The following ALDH18A1 variants were observed in gnomAD, a reference collection of about 807,000 sequenced individuals.
ALDH18A1 encodes delta-1-pyrroline-5-carboxylate synthase.
ALDH18A1 carries 44 observed loss-of-function variants against 88.8 expected under a neutral mutation model. The ratio of observed to expected loss-of-function variants is 0.50; its 90% CI spans 0.39 to 0.64. ALDH18A1 has a LOEUF of 0.64. Ranked by LOEUF, ALDH18A1 falls within the 30% of genes least tolerant of loss-of-function variation. The pLI is 0.00. For missense variants in ALDH18A1, 782 were observed against 1,009.5 expected, an observed-to-expected ratio of 0.77 and a Z score of 3.05; for synonymous variants, 331 against 372.1, an observed-to-expected ratio of 0.89 and a Z score of 1.27.
Position 95,627,600 on chromosome 10 carries a change from T to TTAGATCCAGTA in ALDH18A1, c.934-25_934-15dup. 6.2e-7 allele frequency: 1 copy of TTAGATCCAGTA among 1,613,908 alleles called. No individual in the cohort carries two copies. Among genetic ancestry groups the TTAGATCCAGTA allele is most frequent in the East Asian group, 2.2e-5 (1 of 44,888 alleles). On this transcript the variant is annotated splice_polypyrimidine_tract_variant and intron_variant, in intron 8 of 17. Coordinates refer to ENST00000371224, the MANE Select transcript of ALDH18A1 (RefSeq NM_002860.4). ...GGCTGCTTTCACCTAATGAGACAGG[T>TTAGATCCAGTA]TAGATCCAGTAAAGATGAGATTCAG...
chr10:95,653,268 A>T lies in ALDH18A1; in HGVS notation c.88+22T>A, dbSNP rs765882475. Reference sequence around the variant, plus strand: ...TGACTATCAAACGTCCCACATACTCATAAGTTTTCTATGGTACATACGAGA... The same window carrying T: ...TGACTATCAAACGTCCCACATACTCTTAAGTTTTCTATGGTACATACGAGA... On this transcript the variant is annotated intron_variant, in intron 2 of 17. Transcript: ENST00000371224. The T allele has an allele frequency of 3.2e-6, 5 of 1,584,366 alleles. No homozygotes were observed. In the South Asian group the frequency reaches 4.4e-5, roughly 14 times the overall value.
At chr10:95,630,871 T>C (rs1440317587) in intron 7 of ALDH18A1, among the ~76,000 whole-genome samples, 2 of 152,318 alleles carry the variant, frequency 1.3e-5, no homozygotes, top group South Asian at 2.1e-4. Flanking sequence ...GGTAAAGATA[T>C]TGACATGTAG....
chr10:95,629,499 G>A (rs868633141), intron 7 of ALDH18A1, among the ~76,000 whole-genome samples: 46 of 152,134 alleles, frequency 3.0e-4, no homozygotes, highest in African/African-American at 1.1e-3. Context: ...ATTATTACAG[G>A]AAAAGAAAAA....
chr10:95,630,491 T>A (rs564794910), intron 7 of ALDH18A1, among the ~76,000 whole-genome samples: 1 of 152,296 alleles, frequency 6.6e-6, no homozygotes, highest in East Asian at 1.9e-4. Flanking sequence ...GGCAGGAGGA[T>A]CACGAGGTGA....
intron 11 of ALDH18A1, among the ~76,000 whole-genome samples, chr10:95,622,123 AC>A (rs2097853669): frequency 6.6e-6 from 1 of 152,234 alleles, no homozygotes; most frequent in South Asian, 2.1e-4. Context: ...ATCAGAACCA[AC>A]AAAGATGTTT....
intron 7 of ALDH18A1, 141 bp downstream of exon 7, chr10:95,632,818 A>G (rs2097872894): frequency 1.3e-6 from 1 of 745,486 alleles, no homozygotes; most frequent in African/African-American, 1.8e-5. Flanking sequence ...TGAGTCATAA[A>G]AGCCCTTTGT....
rs1209124903 is a variant in ALDH18A1, at chr10:95,627,751, A to T, written c.934-165T>A. Among the ~76,000 whole-genome samples the T allele has an allele frequency of 5.3e-5, 8 of 152,248 alleles. No individual in the cohort carries two copies. In the East Asian group the frequency reaches 1.3e-3, roughly 26 times the overall value. ...TCTGAAAACACATAACAGTTCACACACTTTCCAGCTCAACCTTGGCCTGTG... is the reference window on the plus strand; with the variant it reads ...TCTGAAAACACATAACAGTTCACACTCTTTCCAGCTCAACCTTGGCCTGTG... On this transcript the variant is annotated intron_variant, in intron 8 of 17. Transcript: ENST00000371224.
intron 12 of ALDH18A1, among the ~76,000 whole-genome samples, chr10:95,618,353 G>A (rs529354363): frequency 3.3e-5 from 5 of 152,002 alleles, no homozygotes; most frequent in Non-Finnish European, 5.9e-5. Context: ...ATGGTATCTC[G>A]CCCTGTTGCA....
intron 2 of ALDH18A1, among the ~76,000 whole-genome samples, chr10:95,648,380 G>A (rs1023798754): frequency 6.6e-6 from 1 of 151,770 alleles, no homozygotes; most frequent in African/African-American, 2.4e-5. Flanking sequence ...GAATTCTCAT[G>A]AATTAAGCCT....
At chr10:95,650,135 AC>A (rs1334810044) in intron 2 of ALDH18A1, among the ~76,000 whole-genome samples, 3 of 152,204 alleles carry the variant, frequency 2.0e-5, no homozygotes, top group East Asian at 1.9e-4. Flanking sequence ...CGGGAAAAAA[AC>A]ATACGAGAAA....
chr10:95,618,226 C>G (rs1212207534), intron 12 of ALDH18A1, among the ~76,000 whole-genome samples: 1 of 152,198 alleles, frequency 6.6e-6, no homozygotes, highest in Non-Finnish European at 1.5e-5. Flanking sequence ...TCTCTAATGA[C>G]ACCTTGTATT....
intron 17 of ALDH18A1, among the ~76,000 whole-genome samples, chr10:95,609,535 T>C (rs887329550): frequency 1.3e-5 from 2 of 152,240 alleles, no homozygotes; most frequent in East Asian, 1.9e-4. Context: ...GCCCACGCTG[T>C]AGCGGGAGAA....
chr10:95,653,437 T>A, intron 1 of ALDH18A1, 32 bp from the exon 2 acceptor site: 1 of 1,526,376 alleles, frequency 6.6e-7, no homozygotes, highest in Non-Finnish European at 9.1e-7. Context: ...AAGTGAGTAA[T>A]GAAAAATACT....
At chr10:95,625,012 C>T (rs1004480690) in intron 11 of ALDH18A1, among the ~76,000 whole-genome samples, 2 of 152,174 alleles carry the variant, frequency 1.3e-5, no homozygotes, top group Non-Finnish European at 2.9e-5. Flanking sequence ...ACTGCATAGC[C>T]ATTAGCACAG....
chr10:95,610,396 C>T lies in ALDH18A1; in HGVS notation c.2111-104G>A. On this transcript the variant is annotated intron_variant, in intron 16 of 17. Coordinates refer to ENST00000371224, the MANE Select transcript of ALDH18A1 (RefSeq NM_002860.4). Reference sequence around the variant, plus strand: ...GATCAGGGCAGGGTCTGGGTCCCCACTGGGGCCTCTCCATGTGTTCTCACG... The same window carrying T: ...GATCAGGGCAGGGTCTGGGTCCCCATTGGGGCCTCTCCATGTGTTCTCACG... 2.9e-6 allele frequency: 3 copies of T among 1,017,950 alleles called. No homozygotes were observed. In the South Asian group the frequency reaches 4.0e-5, roughly 14 times the overall value. The allele number at this position is 1,017,950 out of a possible 1,614,324, so 63.1% of individuals were successfully genotyped here.
intron 3 of ALDH18A1, among the ~76,000 whole-genome samples, chr10:95,638,917 T>G (rs1410892094): frequency 6.6e-6 from 1 of 151,874 alleles, no homozygotes; most frequent in Non-Finnish European, 1.5e-5. Flanking sequence ...TTGTCACCCA[T>G]GCTGGAGGAC....
chr10:95,654,432 G>C (rs1213057564), intron 1 of ALDH18A1, among the ~76,000 whole-genome samples: 1 of 151,986 alleles, frequency 6.6e-6, no homozygotes, highest in Non-Finnish European at 1.5e-5. Context: ...CAATATTGTA[G>C]CTCTTTTTAT....
chr10:95,648,902 C>T (rs1380277376), intron 2 of ALDH18A1, among the ~76,000 whole-genome samples: 8 of 152,146 alleles, frequency 5.3e-5, no homozygotes, highest in African/African-American at 1.4e-4. Flanking sequence ...TTTTAAGCTA[C>T]GAAGTTACTT....
chr10:95,625,308 C>A (rs2097858729), intron 11 of ALDH18A1, 54 bp downstream of exon 11: 1 of 1,499,802 alleles, frequency 6.7e-7, no homozygotes, highest in Admixed American at 1.7e-5. Context: ...AAACTAAAAA[C>A]CAAAATAATG....
Sources: allele counts gnomAD v4.1 joint callset (sites outside exome capture counted in the v4.1 genomes callset), GRCh38; gene constraint gnomAD v4.1.1; transcripts MANE v1.5; gene names NCBI Gene and HGNC (gene_info 2026-07-23, HGNC 2026-07-21).